DAB1: variants seen among roughly 807,000 people sequenced by gnomAD.
DAB1 encodes the protein DAB adaptor protein 1, also known as disabled homolog 1.
DAB1 carries 15 observed loss-of-function variants against 64.6 expected under a neutral mutation model. The ratio of observed to expected loss-of-function variants is 0.23; its 90% CI spans 0.16 to 0.36. The LOEUF (loss-of-function observed/expected upper bound fraction) is 0.36, where lower values mean the gene tolerates loss of function less well. Ranked by LOEUF, DAB1 falls within the 10% of genes least tolerant of loss-of-function variation. The pLI is 1.00. For missense variants in DAB1, 596 were observed against 706.7 expected (o/e 0.84, Z 1.78); for synonymous variants, 235 against 251.9 (o/e 0.93, Z 0.64).
At chr1:58,536,161 C>T (rs17117688) in intron 1 of DAB1, among the ~76,000 whole-genome samples, 2,807 of 152,160 alleles carry the variant, frequency 0.018, 56 homozygotes, top group East Asian at 0.12. Context: ...AAGCAATGGG[C>T]GCAACTACAA....
intron 7 of DAB1, among the ~76,000 whole-genome samples, chr1:57,637,913 TTAA>T (rs1247622337): frequency 1.3e-5 from 2 of 152,224 alleles, no homozygotes; most frequent in African/African-American, 4.8e-5. Flanking sequence ...GTGGATCGAC[TTAA>T]TAATGGAGCA....
intron 3 of DAB1, among the ~76,000 whole-genome samples, chr1:58,439,370 T>A (rs949654865): frequency 1.3e-5 from 2 of 152,094 alleles, no homozygotes; most frequent in Non-Finnish European, 2.9e-5. Flanking sequence ...TCATTGTTCA[T>A]CTCCCTTCAG....
intron 6 of DAB1, among the ~76,000 whole-genome samples, chr1:57,751,594 A>T (rs1648555210): frequency 6.6e-6 from 1 of 152,094 alleles, no homozygotes; most frequent in African/African-American, 2.4e-5. Flanking sequence ...GTTGCAGAAG[A>T]TTAGGGTGAG....
At chr1:58,107,378 G>A (rs535794295) in intron 5 of DAB1, among the ~76,000 whole-genome samples, 1 of 151,216 alleles carries the variant, frequency 6.6e-6, no homozygotes, top group South Asian at 2.1e-4. Flanking sequence ...GGCTGAAGCA[G>A]GAGAATCGCT....
chr1:58,297,134 G>A (rs1391541436), intron 4 of DAB1, among the ~76,000 whole-genome samples: 1 of 152,160 alleles, frequency 6.6e-6, no homozygotes, highest in Non-Finnish European at 1.5e-5. Context: ...CCTTGAAATG[G>A]AAGCTTAATA....
intron 6 of DAB1, among the ~76,000 whole-genome samples, chr1:57,728,600 A>C (rs11207098): frequency 0.056 from 8,482 of 151,382 alleles, 755 homozygotes; most frequent in African/African-American, 0.19. Flanking sequence ...TCTCAAAAAA[A>C]AACAACAACA....
At chr1:58,037,010 G>T (rs1647054363) in intron 5 of DAB1, among the ~76,000 whole-genome samples, 1 of 152,098 alleles carries the variant, frequency 6.6e-6, no homozygotes, top group African/African-American at 2.4e-5. Context: ...TCCCTTGCCT[G>T]CTCCTTCCCA....
At chr1:57,541,958 A>C (rs577342786) in intron 7 of DAB1, among the ~76,000 whole-genome samples, 31 of 152,088 alleles carry the variant, frequency 2.0e-4, no homozygotes, top group Admixed American at 7.9e-4. Context: ...GAACATGTGG[A>C]GATGGATCAG....
chr1:58,242,931 A>AC (rs1660363732), intron 4 of DAB1, among the ~76,000 whole-genome samples: 1 of 152,162 alleles, frequency 6.6e-6, no homozygotes, highest in Admixed American at 6.5e-5. Context: ...ATATCACATG[A>AC]CCAGAATCAA....
intron 6 of DAB1, among the ~76,000 whole-genome samples, chr1:57,677,116 C>T (rs1035609572): frequency 5.9e-5 from 9 of 152,100 alleles, no homozygotes; most frequent in Non-Finnish European, 1.3e-4. Context: ...TCTCTCTGGC[C>T]CTCTCTCCAC....
chr1:58,094,290 A>G (rs1328293890), intron 5 of DAB1, among the ~76,000 whole-genome samples: 1 of 151,894 alleles, frequency 6.6e-6, no homozygotes, highest in Admixed American at 6.6e-5. Flanking sequence ...TGTGTAACCA[A>G]CTCTCCGAAT....
At chr1:57,493,499 T>C (rs1304994981) in intron 7 of DAB1, among the ~76,000 whole-genome samples, 1 of 152,218 alleles carries the variant, frequency 6.6e-6, no homozygotes, top group Non-Finnish European at 1.5e-5. Context: ...TAGTATTCCA[T>C]TATATGAATG....
chr1:57,575,373 TCTC>T lies in DAB1; in HGVS notation n.625+74216_625+74218del, dbSNP rs554721059. On this transcript the variant is annotated intron_variant and non_coding_transcript_variant, in intron 7 of 20. Coordinates refer to the DAB1 transcript ENST00000485760. Reference sequence around the variant, plus strand: ...TTCTGCATACATTGCTGTAGCAAAATCTCCTAAAAGCCCTGCGATGTGGGCTAG... The same window carrying T: ...TTCTGCATACATTGCTGTAGCAAAATCTAAAAGCCCTGCGATGTGGGCTAG... 1.2e-4 allele frequency among the ~76,000 whole-genome samples: 19 copies of T among 152,248 alleles called. 1 individual carries two copies. The South Asian group carries it at 3.7e-3, about 30-fold the overall frequency.
chr1:57,212,526 C>G (rs1362540413), intron 2 of DAB1, among the ~76,000 whole-genome samples: 1 of 151,638 alleles, frequency 6.6e-6, no homozygotes, highest in East Asian at 1.9e-4. Context: ...TGCCACCACG[C>G]CTGGCTAACT....
chr1:57,483,141 T>C (rs975284137), intron 7 of DAB1, among the ~76,000 whole-genome samples: 1 of 152,240 alleles, frequency 6.6e-6, no homozygotes, highest in Non-Finnish European at 1.5e-5. Flanking sequence ...AAAATGTGCA[T>C]TTCTTTTTTA....
chr1:57,115,467 G>A (rs773278422), intron 4 of DAB1, among the ~76,000 whole-genome samples: 8 of 152,184 alleles, frequency 5.3e-5, no homozygotes, highest in Non-Finnish European at 1.0e-4. Flanking sequence ...TGATGTAAAT[G>A]TTCTATATTT....
intron 11 of DAB1, among the ~76,000 whole-genome samples, chr1:57,015,651 T>G (rs1273252165): frequency 6.6e-6 from 1 of 152,226 alleles, no homozygotes; most frequent in Admixed American, 6.5e-5. Context: ...GGAGATGATC[T>G]GTAAGCAAAA....
At chr1:58,378,926 G>A in intron 3 of DAB1, among the ~76,000 whole-genome samples, 1 of 88,462 alleles carries the variant, frequency 1.1e-5, no homozygotes, top group East Asian at 3.0e-4. Context: ...ATATTCGGGT[G>A]GGAGTGACCC....
chr1:57,582,340 C>A (rs1645323832), intron 7 of DAB1, among the ~76,000 whole-genome samples: 1 of 152,174 alleles, frequency 6.6e-6, no homozygotes, highest in African/African-American at 2.4e-5. Context: ...AGACATTTAT[C>A]AAACAACCAG....
Sources: gnomAD v4.1 joint callset for allele counts (sites outside exome capture counted in the v4.1 genomes callset) on GRCh38, gnomAD v4.1.1 for gene constraint, MANE v1.5 for transcripts, NCBI Gene and HGNC (gene_info 2026-07-23, HGNC 2026-07-21) for gene names.